PHACTR3: variants seen among roughly 807,000 people sequenced by gnomAD.
PHACTR3 encodes protein phosphatase 1, regulatory subunit 123.
A neutral mutation model predicts 66.8 loss-of-function variants in PHACTR3; 16 were observed. That is an observed-to-expected ratio of 0.24 (90% CI 0.16 to 0.36). The LOEUF is 0.36. PHACTR3 is among the 10% of genes least tolerant of loss of function. PHACTR3 has a pLI of 1.00. For missense variants in PHACTR3, 647 were observed against 719.9 expected (o/e 0.90, Z 1.16); for synonymous variants, 323 against 292.1 (o/e 1.11, Z -1.08).
chr20:59,615,471 A>G (rs938084546), intron 1 of PHACTR3, among the ~76,000 whole-genome samples: 3 of 152,250 alleles, frequency 2.0e-5, no homozygotes, highest in African/African-American at 7.2e-5. Flanking sequence ...AAGTAAAATG[A>G]CAGGGCACAT....
At chr20:59,845,678 T>C (rs1366119721) in intron 12 of PHACTR3, among the ~76,000 whole-genome samples, 2 of 152,152 alleles carry the variant, frequency 1.3e-5, no homozygotes, top group African/African-American at 4.8e-5. Context: ...CGTAAATTAT[T>C]AGTCACATCT....
rs558042409 is a variant in PHACTR3 at position 59,681,937 on chromosome 20, G to A, written c.119-61170G>A. ...AGGCAGGAGAATCATTTGAACCCAG[G>A]GGGTGGAGGTTGCGGTGAGCAGAGA... is the stretch of plus-strand genomic sequence containing the variant. On this transcript the variant is annotated intron_variant, in intron 1 of 12. Coordinates refer to ENST00000371015, the MANE Select transcript of PHACTR3 (RefSeq NM_080672.5). Among the ~76,000 whole-genome samples, 20 of 152,258 alleles carry A rather than the reference G, an allele frequency of 1.3e-4. No homozygotes were observed. The South Asian group carries it at 4.1e-3, about 32-fold the overall frequency.
At chr20:59,673,327 A>T (rs7263243) in intron 1 of PHACTR3, among the ~76,000 whole-genome samples, 3,640 of 152,156 alleles carry the variant, frequency 0.024, 127 homozygotes, top group African/African-American at 0.078. Context: ...TTTCAATAAG[A>T]CCTGGTATTG....
At chr20:59,786,686 C>A (rs1272237046) in intron 7 of PHACTR3, among the ~76,000 whole-genome samples, 9 of 150,900 alleles carry the variant, frequency 6.0e-5, no homozygotes, top group African/African-American at 2.2e-4. Context: ...GCTGTCTGTG[C>A]AGCTGACAGG....
intron 7 of PHACTR3, among the ~76,000 whole-genome samples, chr20:59,775,378 C>T (rs988663581): frequency 1.3e-5 from 2 of 152,084 alleles, no homozygotes; most frequent in African/African-American, 4.8e-5. Flanking sequence ...GCTCAGGCCA[C>T]GTCTCCCTGG....
intron 1 of PHACTR3, among the ~76,000 whole-genome samples, chr20:59,673,968 G>A (rs866647002): frequency 6.6e-6 from 1 of 152,176 alleles, no homozygotes; most frequent in African/African-American, 2.4e-5. Context: ...GAGCAGCCCC[G>A]AAGCTTGGGA....
chr20:59,788,938 A>G (rs1443995300), intron 7 of PHACTR3, among the ~76,000 whole-genome samples: 1 of 152,182 alleles, frequency 6.6e-6, no homozygotes, highest in Admixed American at 6.5e-5. Flanking sequence ...CAAGACCCCC[A>G]GAGTCTGGTG....
intron 3 of PHACTR3, among the ~76,000 whole-genome samples, chr20:59,750,644 G>A (rs1248373870): frequency 2.0e-5 from 3 of 152,096 alleles, no homozygotes; most frequent in Non-Finnish European, 4.4e-5. Context: ...GCATGACCAC[G>A]CTGCTGCGGG....
chr20:59,787,594 C>T lies in PHACTR3; in HGVS notation c.1174+13104C>T, dbSNP rs972559315. On this transcript the variant is annotated intron_variant, in intron 7 of 12. Coordinates refer to ENST00000371015, the MANE Select transcript of PHACTR3 (RefSeq NM_080672.5). ...TTGTTCTGCCAACAACCGTGGCACA[C>T]ACAAAAACCCTCACAGCAGGAGCCC... is the stretch of plus-strand genomic sequence containing the variant. Among the ~76,000 whole-genome samples, 8 of 152,328 alleles carry T rather than the reference C, an allele frequency of 5.3e-5. No individual in the cohort carries two copies. The East Asian group carries it at 1.4e-3, about 26-fold the overall frequency.
chr20:59,757,163 T>C (rs1377155146), intron 4 of PHACTR3, among the ~76,000 whole-genome samples: 2 of 152,244 alleles, frequency 1.3e-5, no homozygotes, highest in African/African-American at 4.8e-5. Flanking sequence ...AGCCCTTGTG[T>C]GTGGCCTGTG....
At chr20:59,676,539 G>T (rs1391240186) in intron 1 of PHACTR3, 1 of 171,244 alleles carries the variant, frequency 5.8e-6, no homozygotes, top group African/African-American at 2.4e-5. Context: ...GCCCCAAAAT[G>T]CAGACAGGAG....
At chr20:59,670,866 C>G (rs912615406) in intron 1 of PHACTR3, among the ~76,000 whole-genome samples, 1 of 152,222 alleles carries the variant, frequency 6.6e-6, no homozygotes, top group Non-Finnish European at 1.5e-5. Context: ...TATTCCCACT[C>G]TCACTGCCAT....
intron 1 of PHACTR3, among the ~76,000 whole-genome samples, chr20:59,654,944 A>G (rs1322099681): frequency 2.0e-5 from 3 of 151,942 alleles, no homozygotes; most frequent in Non-Finnish European, 4.4e-5. Flanking sequence ...TGAGTACTTC[A>G]TTGCATGAAT....
intron 1 of PHACTR3, among the ~76,000 whole-genome samples, chr20:59,703,816 T>G (rs1290329307): frequency 2.0e-5 from 3 of 152,150 alleles, no homozygotes; most frequent in South Asian, 4.1e-4. Flanking sequence ...CAGTGCCAAT[T>G]TACTGACTGA....
At chr20:59,783,385 G>A (rs1372597723) in intron 7 of PHACTR3, among the ~76,000 whole-genome samples, 6 of 152,136 alleles carry the variant, frequency 3.9e-5, no homozygotes, top group Non-Finnish European at 7.4e-5. Context: ...GAGTGGGAAC[G>A]CACAGCCCCA....
chr20:59,684,730 G>T (rs2036793200), intron 1 of PHACTR3, among the ~76,000 whole-genome samples: 1 of 152,226 alleles, frequency 6.6e-6, no homozygotes, highest in South Asian at 2.1e-4. Context: ...AGCCCCTAGA[G>T]AGGAGGATCT....
chr20:59,699,645 C>T (rs1025392115), intron 1 of PHACTR3, among the ~76,000 whole-genome samples: 9 of 152,142 alleles, frequency 5.9e-5, no homozygotes, highest in African/African-American at 2.2e-4. Context: ...ATACTCTTAT[C>T]ATCATCATCA....
chr20:59,676,348 G>A (rs547521177), intron 1 of PHACTR3, among the ~76,000 whole-genome samples: 5 of 152,316 alleles, frequency 3.3e-5, no homozygotes, highest in Admixed American at 2.0e-4. Flanking sequence ...GACACGTCTC[G>A]GGCACAGAGA....
intron 11 of PHACTR3, 97 bp downstream of exon 11, chr20:59,841,632 C>T: frequency 3.0e-6 from 4 of 1,325,546 alleles, no homozygotes; most frequent in Non-Finnish European, 3.1e-6. Flanking sequence ...TGGGAGCCCT[C>T]AACTATTTAA....
Sources: allele counts gnomAD v4.1 joint callset (sites outside exome capture counted in the v4.1 genomes callset), GRCh38; gene constraint gnomAD v4.1.1; transcripts MANE v1.5; gene names NCBI Gene and HGNC (gene_info 2026-07-23, HGNC 2026-07-21).